The following ADAMTS17 variants were observed in gnomAD, a reference collection of about 807,000 sequenced individuals.
ADAMTS17 encodes A disintegrin and metalloproteinase with thrombospondin motifs 17.
In ADAMTS17, 113 loss-of-function variants were observed where a neutral mutation model predicts 141.5. The observed-to-expected ratio is 0.80, with a 90% CI of 0.69 to 0.93. ADAMTS17 has a LOEUF of 0.93. Among genes scored for constraint, ADAMTS17 ranks in the 40% least tolerant of loss-of-function variants. The probability of loss-of-function intolerance (pLI) is 0.00; values close to 1 mark genes in which losing one functional copy is unlikely to be tolerated. For synonymous variants in ADAMTS17, 768 were observed against 630.6 expected (o/e 1.22, Z -3.27); for missense variants, 1,659 against 1,517.9 (o/e 1.09, Z -1.54).
intron 10 of ADAMTS17, among the ~76,000 whole-genome samples, chr15:100,145,459 T>C (rs929937478): frequency 6.6e-6 from 1 of 152,260 alleles, no homozygotes; most frequent in Non-Finnish European, 1.5e-5. Context: ...TGAAGAATAC[T>C]GCTGAGAATT....
At chr15:100,018,190 C>T (rs985292352) in intron 18 of ADAMTS17, among the ~76,000 whole-genome samples, 1 of 144,988 alleles carries the variant, frequency 6.9e-6, no homozygotes, top group Non-Finnish European at 1.5e-5. Context: ...GACGGGTTTT[C>T]ACTTAGCGTA....
chr15:100,274,677 C>T (rs2044020500), intron 4 of ADAMTS17, among the ~76,000 whole-genome samples: 1 of 152,208 alleles, frequency 6.6e-6, no homozygotes, highest in South Asian at 2.1e-4. Flanking sequence ...CAAGTAATTA[C>T]TGATAAGGAG....
At chr15:100,076,514 G>C (rs1294344950) in intron 15 of ADAMTS17, among the ~76,000 whole-genome samples, 1 of 152,110 alleles carries the variant, frequency 6.6e-6, no homozygotes, top group African/African-American at 2.4e-5. Flanking sequence ...TACTTGTATA[G>C]ATCCTGTGCT....
chr15:100,337,870 T>G (rs973795895), intron 2 of ADAMTS17, among the ~76,000 whole-genome samples: 3 of 152,242 alleles, frequency 2.0e-5, no homozygotes, highest in Non-Finnish European at 4.4e-5. Flanking sequence ...TGTCTACCTA[T>G]GAAGTTCAGC....
Position 100,281,249 on chromosome 15 carries a change from T to G in ADAMTS17, c.769A>C (p.Ile257Leu), listed in dbSNP as rs748599557. 9.3e-6 allele frequency: 15 copies of G among 1,606,160 alleles called. No individual in the cohort carries two copies. Among genetic ancestry groups the G allele is most frequent in the Admixed American group, 1.7e-5 (1 of 60,008 alleles). The change falls in exon 4 of 22, where the codon ATC (isoleucine) becomes CTC (leucine). Residue 257 changes from isoleucine (I) to leucine (L), a missense_variant. Physicochemically the swap from Ile to Leu is conservative, Grantham distance 5. Transcript: ENST00000268070. Reference sequence around the variant, plus strand: ...CTCACCATGTTCATGACGGTCAGGATGAACCTCTGGGCGGCCTCGGCCCCG... The same window carrying G: ...CTCACCATGTTCATGACGGTCAGGAGGAACCTCTGGGCGGCCTCGGCCCCG... ...YHGAEAAQRF[I>L]LTVMNMVYNM...
intron 7 of ADAMTS17, among the ~76,000 whole-genome samples, chr15:100,233,871 T>C (rs572787719): frequency 2.6e-5 from 4 of 151,690 alleles, no homozygotes; most frequent in South Asian, 4.2e-4. Context: ...TTCCCGGGAG[T>C]GAGCACCAGG....
intron 10 of ADAMTS17, among the ~76,000 whole-genome samples, chr15:100,138,382 T>G (rs1206763518): frequency 1.3e-5 from 2 of 152,234 alleles, no homozygotes; most frequent in Non-Finnish European, 2.9e-5. Context: ...ACAGAATTTA[T>G]AGTAACTATC....
chr15:100,059,073 T>A (rs537092064), intron 15 of ADAMTS17, among the ~76,000 whole-genome samples: 1 of 152,360 alleles, frequency 6.6e-6, no homozygotes, highest in South Asian at 2.1e-4. Flanking sequence ...GAGATGCCTC[T>A]AATTGGCTCT....
intron 18 of ADAMTS17, among the ~76,000 whole-genome samples, chr15:100,025,254 T>C (rs1188819915): frequency 2.0e-5 from 3 of 152,232 alleles, no homozygotes; most frequent in Non-Finnish European, 2.9e-5. Flanking sequence ...TGTCTAAAGT[T>C]AGGATTGCTA....
intron 8 of ADAMTS17, among the ~76,000 whole-genome samples, chr15:100,157,651 G>A (rs1273633367): frequency 6.6e-6 from 1 of 152,010 alleles, no homozygotes; most frequent in African/African-American, 2.4e-5. Context: ...TTTATTGAAC[G>A]AATTATCTGT....
chr15:100,218,885 G>A (rs537061744), intron 7 of ADAMTS17, among the ~76,000 whole-genome samples: 51 of 107,060 alleles, frequency 4.8e-4, no homozygotes, highest in Middle Eastern at 5.0e-3. Flanking sequence ...ACACGCAAAC[G>A]TCCACCTGAA....
intron 18 of ADAMTS17, among the ~76,000 whole-genome samples, chr15:100,037,198 C>T (rs1014693698): frequency 8.5e-5 from 13 of 152,286 alleles, no homozygotes; most frequent in African/African-American, 2.9e-4. Flanking sequence ...CCTGACTTCT[C>T]GACATCCTCA....
intron 3 of ADAMTS17, among the ~76,000 whole-genome samples, chr15:100,300,051 G>A (rs2044973971): frequency 6.6e-6 from 1 of 152,204 alleles, no homozygotes; most frequent in South Asian, 2.1e-4. Context: ...CAATCCTTCA[G>A]TCCTCTTTTC....
intron 18 of ADAMTS17, among the ~76,000 whole-genome samples, chr15:100,043,536 C>T (rs570527516): frequency 6.6e-5 from 10 of 152,064 alleles, no homozygotes; most frequent in African/African-American, 1.2e-4. Context: ...GTGGGCAAAA[C>T]GGGAGTAAGC....
At chr15:100,286,767 C>T (rs1172491998) in intron 3 of ADAMTS17, among the ~76,000 whole-genome samples, 1 of 152,062 alleles carries the variant, frequency 6.6e-6, no homozygotes, top group East Asian at 1.9e-4. Context: ...TGTCTTACCT[C>T]CAAATGACCA....
At chr15:100,153,786 A>C (rs2039301848) in intron 9 of ADAMTS17, among the ~76,000 whole-genome samples, 1 of 152,244 alleles carries the variant, frequency 6.6e-6, no homozygotes, top group Admixed American at 6.5e-5. Flanking sequence ...AAGATTCTTA[A>C]GGAAAGAGTT....
chr15:100,180,410 T>A (rs759943744), intron 8 of ADAMTS17, among the ~76,000 whole-genome samples: 2 of 152,244 alleles, frequency 1.3e-5, no homozygotes, highest in Non-Finnish European at 2.9e-5. Context: ...CATGCCATTT[T>A]GGTTACTATA....
At chr15:100,294,347 C>T (rs958000982) in intron 3 of ADAMTS17, among the ~76,000 whole-genome samples, 2 of 152,152 alleles carry the variant, frequency 1.3e-5, no homozygotes, top group African/African-American at 4.8e-5. Flanking sequence ...AAAAACTTGC[C>T]TTCCGTATTT....
At chr15:100,160,074 C>T (rs1425907704) in intron 8 of ADAMTS17, among the ~76,000 whole-genome samples, 1 of 152,150 alleles carries the variant, frequency 6.6e-6, no homozygotes, top group Non-Finnish European at 1.5e-5. Context: ...TAAAGAGGGT[C>T]TCATCAGCTG....
Sources: allele counts gnomAD v4.1 joint callset (sites outside exome capture counted in the v4.1 genomes callset), GRCh38; gene constraint gnomAD v4.1.1; transcripts MANE v1.5; gene names NCBI Gene and HGNC (gene_info 2026-07-23, HGNC 2026-07-21).